RNF43: variants seen among roughly 807,000 people sequenced by gnomAD.
RNF43 encodes E3 ubiquitin-protein ligase RNF43.
A neutral mutation model predicts 78.4 loss-of-function variants in RNF43; 37 were observed. The observed-to-expected ratio is 0.47, with a 90% CI of 0.36 to 0.62. The LOEUF (loss-of-function observed/expected upper bound fraction) is 0.62. Among genes scored for constraint, RNF43 ranks in the 20% least tolerant of loss-of-function variants. RNF43 has a pLI of 0.00. For missense variants in RNF43, 774 were observed against 1,007.9 expected (o/e 0.77, Z 3.14); for synonymous variants, 347 against 395.0 (o/e 0.88, Z 1.44).
intron 6 of RNF43, among the ~76,000 whole-genome samples, chr17:58,362,110 CAAAAA>C (rs987939955): frequency 1.3e-4 from 16 of 125,838 alleles, no homozygotes; most frequent in Non-Finnish European, 2.7e-4. Flanking sequence ...AACAAACAAA[CAAAAA>C]AAAACCTTGT....
chr17:58,357,289 G>C lies in RNF43; in HGVS notation c.2308+179C>G. 1 of 806,698 alleles carries C rather than the reference G, an allele frequency of 1.2e-6. No individual in the cohort carries two copies. The highest frequency in any genetic ancestry group is 2.0e-5 in the Admixed American group (1 of 50,198). The allele number at this position is 806,698 out of a possible 1,614,324, so 50.0% of individuals were successfully genotyped here. A position where few individuals can be genotyped will look rare whatever the true frequency, so the allele number is the denominator to read the frequency against. On this transcript the variant is annotated intron_variant, in intron 9 of 9. Transcript: ENST00000407977. This position sits in a 1 kb window ranked among gnomAD's most constrained non-coding sequence, Gnocchi z 4.5. ...AAGGGGTAGCACCTGGCAGAGGTGG[G>C]GTGTTCCTGCACTCTAGCCAGCATG...
chr17:58,401,823 TAA>T (rs3030936), intron 2 of RNF43, among the ~76,000 whole-genome samples: 37,659 of 144,400 alleles, frequency 0.26, 5,236 homozygotes, highest in African/African-American at 0.37. Context: ...ATTCCTAGCA[TAA>T]AAAAAAAAAA....
rs780335907 is a variant in RNF43, at chr17:58,357,427, T to A, written c.2308+41A>T. Reference sequence around the variant, plus strand: ...CCTGTCCTGAAATATTCAGCTGTAGTCTCCTCTCCCTACCACACCCACTTC... The same window carrying A: ...CCTGTCCTGAAATATTCAGCTGTAGACTCCTCTCCCTACCACACCCACTTC... On this transcript the variant is annotated intron_variant, in intron 9 of 9. Coordinates refer to ENST00000407977, the MANE Select transcript of RNF43 (RefSeq NM_017763.6). The surrounding 1 kb of genome is among the most constrained non-coding windows in gnomAD (Gnocchi z 4.5). 6.2e-7 allele frequency: 1 copy of A among 1,613,266 alleles called. No individual in the cohort carries two copies. The highest frequency in any genetic ancestry group is 8.5e-7 in the Non-Finnish European group (1 of 1,179,188).
Position 58,360,892 on chromosome 17 carries a change from C to T in RNF43, c.740G>A (p.Arg247Lys). 6.2e-7 allele frequency: 1 copy of T among 1,609,084 alleles called. No individual in the cohort carries two copies. The highest frequency in any genetic ancestry group is 1.7e-4 in the Middle Eastern group (1 of 6,046). ...AWAISQLATR[R>K]YQASCRQARG... Reference sequence around the variant, plus strand: ...GGCCTGCCTGCAGCTGGCCTGGTACCTCCTGGTGGCCAGCTGGCTGATGGC... The same window carrying T: ...GGCCTGCCTGCAGCTGGCCTGGTACTTCCTGGTGGCCAGCTGGCTGATGGC... The change falls in exon 7 of 10, where the codon AGG becomes AAG. Residue 247 changes from arginine to lysine, a missense_variant. Arg to Lys is a conservative substitution (Grantham distance 26). Transcript: ENST00000407977. The surrounding 1 kb of genome is among the most constrained non-coding windows in gnomAD (Gnocchi z 4.3).
intron 2 of RNF43, among the ~76,000 whole-genome samples, chr17:58,374,437 G>C (rs1437699711): frequency 6.7e-6 from 1 of 149,306 alleles, no homozygotes; most frequent in Non-Finnish European, 1.5e-5. Context: ...GTGTCACCCA[G>C]GCTGGAGTGC....
chr17:58,362,120 C>A (rs573085782), intron 6 of RNF43, among the ~76,000 whole-genome samples: 4 of 151,144 alleles, frequency 2.6e-5, no homozygotes, highest in Non-Finnish European at 5.9e-5. Flanking sequence ...CAAAAAAAAA[C>A]CTTGTTCCCT....
At chr17:58,398,533 T>C (rs893864597) in intron 2 of RNF43, among the ~76,000 whole-genome samples, 2 of 152,146 alleles carry the variant, frequency 1.3e-5, no homozygotes, top group African/African-American at 2.4e-5. Context: ...GAAGTAAAAA[T>C]TCAAGTGACC....
Position 58,358,421 on chromosome 17 carries a change from G to A in RNF43, c.1355C>T (p.Thr452Ile), listed in dbSNP as rs145228743. The change falls in exon 9 of 10, where the codon ACA (threonine) becomes ATA (isoleucine). Residue 452 changes from threonine (T) to isoleucine (I), a missense_variant. Transcript: ENST00000407977. The surrounding 1 kb of genome is among the most constrained non-coding windows in gnomAD (Gnocchi z 6.2). ...ATCTGCCAGGTACCCACTGCGTTCT[G>A]TGCAATAGCTTTCTCCAGATCCACT... Reference protein sequence around the residue: ...DSSGSGESYCTERSGYLADGP... With the variant: ...DSSGSGESYCIERSGYLADGP... The A allele has an allele frequency of 6.2e-7, 1 of 1,614,096 alleles. No homozygotes were observed. Among genetic ancestry groups the A allele is most frequent in the Non-Finnish European group, 8.5e-7 (1 of 1,180,004 alleles).
chr17:58,395,446 T>A (rs943479672), intron 2 of RNF43, among the ~76,000 whole-genome samples: 4 of 152,220 alleles, frequency 2.6e-5, no homozygotes, highest in African/African-American at 9.6e-5. Flanking sequence ...TACCCCTTTA[T>A]GAGGGACAGT....
At chr17:58,400,840 T>C (rs962850770) in intron 2 of RNF43, among the ~76,000 whole-genome samples, 3 of 152,128 alleles carry the variant, frequency 2.0e-5, no homozygotes, top group Non-Finnish European at 4.4e-5. Context: ...AGGCATCCAG[T>C]TATACATAAG....
At chr17:58,404,678 G>A (rs723991) in intron 2 of RNF43, among the ~76,000 whole-genome samples, 52,734 of 151,974 alleles carry the variant, frequency 0.35, 9,878 homozygotes, top group East Asian at 0.51. Context: ...ATAAGAAAAT[G>A]GTACTAGAAA....
At chr17:58,411,918 T>C (rs12603174) in intron 2 of RNF43, among the ~76,000 whole-genome samples, 29,155 of 152,152 alleles carry the variant, frequency 0.19, 2,888 homozygotes, top group Non-Finnish European at 0.21. Flanking sequence ...CCAACACTTT[T>C]CCTTCTACAA....
At chr17:58,411,834 C>T (rs1392388527) in intron 2 of RNF43, among the ~76,000 whole-genome samples, 1 of 152,088 alleles carries the variant, frequency 6.6e-6, no homozygotes, top group Non-Finnish European at 1.5e-5. Context: ...AATAATATTG[C>T]TTGAAATAAA....
At chr17:58,405,700 CAGAAAGAAAGAA>C (rs199880674) in intron 2 of RNF43, among the ~76,000 whole-genome samples, 3,702 of 110,236 alleles carry the variant, frequency 0.034, 63 homozygotes, top group South Asian at 0.066. Flanking sequence ...TCTCTAATGA[CAGAAAGAAAGAA>C]AGAAAGAAAG....
chr17:58,403,728 T>C (rs1292995946), intron 2 of RNF43, among the ~76,000 whole-genome samples: 1 of 152,182 alleles, frequency 6.6e-6, no homozygotes, highest in East Asian at 1.9e-4. Flanking sequence ...TGCCTCCAGA[T>C]GCTTACATAC....
At position 58,391,311 on chromosome 17, in the gene RNF43, C is replaced by G. The variant is rs1339051634; in HGVS notation, c.253-20278G>C. ...CCATTGTTTATTCCTGGTCAGGGAT[C>G]CCACCTCTCCACCACTACCCCCATT... On this transcript the variant is annotated intron_variant, in intron 2 of 9. Coordinates refer to ENST00000407977, the MANE Select transcript of RNF43 (RefSeq NM_017763.6). Among the ~76,000 whole-genome samples, 5 of 152,192 alleles carry G rather than the reference C, an allele frequency of 3.3e-5. No homozygotes were observed. The East Asian group carries it at 9.6e-4, about 29-fold the overall frequency.
At chr17:58,410,796 T>C (rs938150544) in intron 2 of RNF43, among the ~76,000 whole-genome samples, 20 of 152,124 alleles carry the variant, frequency 1.3e-4, no homozygotes, top group Non-Finnish European at 2.6e-4. Flanking sequence ...ATAGAAGAAA[T>C]ACAGAGATTA....
intron 3 of RNF43, among the ~76,000 whole-genome samples, chr17:58,366,962 A>T (rs1234993259): frequency 6.7e-6 from 1 of 149,894 alleles, no homozygotes; most frequent in Non-Finnish European, 1.5e-5. Context: ...AGTAGCTGGG[A>T]TTACAGGCAT....
chr17:58,404,872 C>A (rs1973872395), intron 2 of RNF43, among the ~76,000 whole-genome samples: 1 of 151,320 alleles, frequency 6.6e-6, no homozygotes, highest in African/African-American at 2.4e-5. Flanking sequence ...ACTGTTTTAA[C>A]TAAAATTTAA....
Sources: allele counts gnomAD v4.1 joint callset (sites outside exome capture counted in the v4.1 genomes callset), GRCh38; gene constraint gnomAD v4.1.1; non-coding constraint Gnocchi (gnomAD v3.1); transcripts MANE v1.5; gene names NCBI Gene and HGNC (gene_info 2026-07-23, HGNC 2026-07-21).